Variants in CDK14 observed in about 807,000 individuals in gnomAD.
The protein encoded by CDK14 is cyclin-dependent kinase 14.
A neutral mutation model predicts 60.7 loss-of-function variants in CDK14; 34 were observed. The observed-to-expected ratio is 0.56, with a 90% CI of 0.43 to 0.75. The LOEUF (loss-of-function observed/expected upper bound fraction) is 0.75. CDK14 is among the 30% of genes least tolerant of loss of function. CDK14 has a pLI of 0.00. For synonymous variants in CDK14, 197 were observed against 203.7 expected, an observed-to-expected ratio of 0.97 and a Z score of 0.28; for missense variants, 482 against 564.1, an observed-to-expected ratio of 0.85 and a Z score of 1.47.
intron 10 of CDK14, among the ~76,000 whole-genome samples, chr7:91,015,945 A>AT (rs1465902906): frequency 1.3e-5 from 2 of 152,298 alleles, no homozygotes; most frequent in East Asian, 3.9e-4. Flanking sequence ...GACATGTACT[A>AT]TATCAAAATA....
At chr7:91,069,142 T>C (rs1214974911) in intron 11 of CDK14, among the ~76,000 whole-genome samples, 1 of 152,226 alleles carries the variant, frequency 6.6e-6, no homozygotes, top group Non-Finnish European at 1.5e-5. Flanking sequence ...GTGTGTGTTT[T>C]TCTTTTTGTT....
In CDK14 at chr7:90,670,814, C is replaced by T. The variant is rs140135423; in HGVS notation, c.124-55753C>T. ...GAGTCTTACATTTCAACATGAAATT[C>T]GGGTGGGACAGATATCCAAATCATA... On this transcript the variant is annotated intron_variant, in intron 2 of 14. Transcript: ENST00000380050. Among the ~76,000 whole-genome samples the T allele has an allele frequency of 4.0e-3, 613 of 152,202 alleles. 3 individuals carry two copies. The highest frequency in any genetic ancestry group is 4.9e-3 in the Non-Finnish European group (334 of 68,012).
intron 10 of CDK14, among the ~76,000 whole-genome samples, chr7:91,030,169 CA>C (rs1406987995): frequency 2.9e-4 from 44 of 152,098 alleles, no homozygotes; most frequent in African/African-American, 1.0e-3. Flanking sequence ...TATACAGTTG[CA>C]AAAACTATAA....
chr7:90,952,746 A>G (rs1433839124), intron 8 of CDK14, among the ~76,000 whole-genome samples: 2 of 152,208 alleles, frequency 1.3e-5, no homozygotes, highest in African/African-American at 4.8e-5. Context: ...AAGGTAGTGT[A>G]GCTCTGTTCC....
chr7:90,730,427 C>CCA (rs1291050352), intron 3 of CDK14, among the ~76,000 whole-genome samples: 3 of 152,166 alleles, frequency 2.0e-5, no homozygotes, highest in Admixed American at 2.0e-4. Flanking sequence ...TGAGGAATTG[C>CCA]CACACTGTCT....
intron 3 of CDK14, among the ~76,000 whole-genome samples, chr7:90,738,055 C>T (rs901722967): frequency 6.6e-6 from 1 of 152,102 alleles, no homozygotes; most frequent in African/African-American, 2.4e-5. Context: ...AGTGGGGTTT[C>T]AATAGAAGAT....
chr7:91,203,355 A>G (rs1156720854), intron 14 of CDK14, among the ~76,000 whole-genome samples: 4 of 152,196 alleles, frequency 2.6e-5, no homozygotes, highest in East Asian at 1.9e-4. Context: ...ACAACTGTAT[A>G]TTGAGTGCCT....
At chr7:90,700,582 T>C (rs535482616) in intron 2 of CDK14, among the ~76,000 whole-genome samples, 1 of 152,324 alleles carries the variant, frequency 6.6e-6, no homozygotes, top group Admixed American at 6.5e-5. Flanking sequence ...ACAAAAGTTC[T>C]TTGTTGAATT....
chr7:91,193,212 A>G (rs966622875), intron 14 of CDK14, among the ~76,000 whole-genome samples: 14 of 152,190 alleles, frequency 9.2e-5, no homozygotes, highest in African/African-American at 3.4e-4. Context: ...GCATTCTGAC[A>G]TCGTAATCCT....
At chr7:90,709,846 A>G (rs899476177) in intron 2 of CDK14, 9 of 1,393,202 alleles carry the variant, frequency 6.5e-6, no homozygotes, top group Non-Finnish European at 7.5e-6. Context: ...TTGCTAGTGC[A>G]GAAAGATGTG....
At chr7:90,879,249 TTA>T (rs1372936054) in intron 6 of CDK14, among the ~76,000 whole-genome samples, 11 of 152,240 alleles carry the variant, frequency 7.2e-5, no homozygotes, top group Non-Finnish European at 1.5e-4. Flanking sequence ...GTGTGTATGT[TTA>T]TGTGTATACT....
At chr7:91,055,098 A>G (rs1224022759) in intron 11 of CDK14, among the ~76,000 whole-genome samples, 2 of 152,206 alleles carry the variant, frequency 1.3e-5, no homozygotes, top group Admixed American at 6.5e-5. Context: ...AGCGAGTACT[A>G]ACTCACAGGG....
chr7:90,945,114 G>C (rs191331820), intron 8 of CDK14, among the ~76,000 whole-genome samples: 1 of 152,186 alleles, frequency 6.6e-6, no homozygotes, highest in African/African-American at 2.4e-5. Flanking sequence ...AAACAAGGTA[G>C]TCACATGTTC....
intron 14 of CDK14, among the ~76,000 whole-genome samples, chr7:91,191,930 C>T (rs968010974): frequency 4.6e-5 from 7 of 152,014 alleles, no homozygotes; most frequent in Non-Finnish European, 8.8e-5. Context: ...AGCAGATCAG[C>T]GGTAGGAGCA....
chr7:91,141,268 G>A (rs1210037441), intron 14 of CDK14, among the ~76,000 whole-genome samples: 3 of 152,186 alleles, frequency 2.0e-5, no homozygotes, highest in African/African-American at 7.2e-5. Context: ...AGTTAGAGTG[G>A]TGGGAGAAGG....
intron 11 of CDK14, among the ~76,000 whole-genome samples, chr7:91,053,209 A>G (rs954774559): frequency 2.0e-5 from 3 of 152,230 alleles, no homozygotes; most frequent in African/African-American, 7.2e-5. Context: ...GATAGTTAGA[A>G]TAACTGCATT....
intron 2 of CDK14, among the ~76,000 whole-genome samples, chr7:90,605,414 ATTC>A (rs1299751412): frequency 5.3e-5 from 8 of 152,210 alleles, no homozygotes; most frequent in African/African-American, 1.9e-4. Flanking sequence ...AAAAAACTTA[ATTC>A]TTCTAGGCTT....
intron 9 of CDK14, among the ~76,000 whole-genome samples, chr7:90,977,420 C>CG (rs1431011949): frequency 3.3e-5 from 5 of 151,648 alleles, no homozygotes; most frequent in Admixed American, 2.0e-4. Context: ...TAGCTACATG[C>CG]GGGGAAAGAG....
intron 6 of CDK14, among the ~76,000 whole-genome samples, chr7:90,868,922 C>A (rs1467590690): frequency 1.3e-5 from 2 of 152,122 alleles, no homozygotes; most frequent in Non-Finnish European, 2.9e-5. Flanking sequence ...CTGCAACTTA[C>A]CTGTGTTATT....
Sources: allele counts gnomAD v4.1 joint callset (sites outside exome capture counted in the v4.1 genomes callset), GRCh38; gene constraint gnomAD v4.1.1; transcripts MANE v1.5; gene names NCBI Gene and HGNC (gene_info 2026-07-23, HGNC 2026-07-21).